XIRP2: variants seen among roughly 807,000 people sequenced by gnomAD.
The protein encoded by XIRP2 is xin actin-binding repeat-containing protein 2.
A neutral mutation model predicts 277.0 loss-of-function variants in XIRP2; 236 were observed. The observed-to-expected ratio is 0.85, with a 90% CI of 0.77 to 0.95. XIRP2 has a LOEUF of 0.95. Ranked by LOEUF, XIRP2 falls within the 40% of genes least tolerant of loss-of-function variation. The pLI is 0.00. For synonymous variants in XIRP2, 1,490 were observed against 1,416.5 expected, an observed-to-expected ratio of 1.05 and a Z score of -1.17; for missense variants, 4,640 against 4,157.5, an observed-to-expected ratio of 1.12 and a Z score of -3.19.
chr2:166,935,908 A>G (rs1685483179), intron 2 of XIRP2, among the ~76,000 whole-genome samples: 1 of 152,234 alleles, frequency 6.6e-6, no homozygotes, highest in African/African-American at 2.4e-5. Flanking sequence ...CATGATTTGT[A>G]ATCATTTGGG....
intron 2 of XIRP2, among the ~76,000 whole-genome samples, chr2:167,019,822 T>G (rs138415779): frequency 6.6e-6 from 1 of 152,212 alleles, no homozygotes; most frequent in East Asian, 1.9e-4. Context: ...TTGTTACACT[T>G]ACCCCATCTG....
At chr2:166,934,625 C>A (rs6432954) in intron 2 of XIRP2, among the ~76,000 whole-genome samples, 49,014 of 152,044 alleles carry the variant, frequency 0.32, 8,298 homozygotes, top group East Asian at 0.53. Context: ...GTACACAAGG[C>A]ACATACAAAT....
chr2:167,180,143 T>C (rs1031040540), intron 3 of XIRP2, among the ~76,000 whole-genome samples: 5 of 152,210 alleles, frequency 3.3e-5, no homozygotes, highest in Non-Finnish European at 7.3e-5. Context: ...GTTGTCTTTT[T>C]TCTTTATTCA....
At chr2:166,945,318 A>T (rs1386978956) in intron 2 of XIRP2, among the ~76,000 whole-genome samples, 2 of 152,108 alleles carry the variant, frequency 1.3e-5, no homozygotes, top group Non-Finnish European at 2.9e-5. Context: ...AAAGCATAAA[A>T]ATAGGAGTGT....
At chr2:167,128,853 G>A (rs1274849929) in intron 2 of XIRP2, among the ~76,000 whole-genome samples, 1 of 152,050 alleles carries the variant, frequency 6.6e-6, no homozygotes, top group African/African-American at 2.4e-5. Context: ...GCTTCTTGAG[G>A]ACCCAACTTG....
At chr2:167,088,712 C>G (rs996175937) in intron 2 of XIRP2, among the ~76,000 whole-genome samples, 2 of 152,184 alleles carry the variant, frequency 1.3e-5, no homozygotes, top group African/African-American at 2.4e-5. Context: ...CCCCAAATCC[C>G]TAGCACATGC....
intron 2 of XIRP2, among the ~76,000 whole-genome samples, chr2:166,938,106 C>G (rs1361314728): frequency 2.0e-5 from 3 of 152,144 alleles, no homozygotes; most frequent in Admixed American, 2.0e-4. Flanking sequence ...CAGTTCTGCT[C>G]CGATCTTAGT....
chr2:167,175,579 G>A (rs1416244140), intron 3 of XIRP2, among the ~76,000 whole-genome samples: 1 of 152,140 alleles, frequency 6.6e-6, no homozygotes. Flanking sequence ...GTTGACCCCT[G>A]CTGGGAGGTG....
chr2:166,976,878 T>C (rs1686730543), intron 2 of XIRP2, among the ~76,000 whole-genome samples: 1 of 152,188 alleles, frequency 6.6e-6, no homozygotes, highest in East Asian at 1.9e-4. Flanking sequence ...GTAACATTGT[T>C]AGCAATTCTT....
intron 2 of XIRP2, among the ~76,000 whole-genome samples, chr2:166,913,315 C>A (rs916862474): frequency 6.9e-5 from 9 of 130,434 alleles, no homozygotes; most frequent in African/African-American, 2.3e-4. Context: ...TGGGCACCCC[C>A]CCCCCCCAGC....
At chr2:167,022,600 T>G (rs1688015887) in intron 2 of XIRP2, among the ~76,000 whole-genome samples, 1 of 140,864 alleles carries the variant, frequency 7.1e-6, no homozygotes, top group South Asian at 2.5e-4. Context: ...CCCTCCCCCC[T>G]ACCCCCACCC....
At chr2:167,197,810 T>G (rs1417772670) in intron 3 of XIRP2, among the ~76,000 whole-genome samples, 4 of 152,184 alleles carry the variant, frequency 2.6e-5, no homozygotes, top group African/African-American at 9.7e-5. Flanking sequence ...TCTACTTCAC[T>G]TGAGTTTAAA....
chr2:167,103,654 T>G (rs779308857), intron 2 of XIRP2, among the ~76,000 whole-genome samples: 1 of 152,184 alleles, frequency 6.6e-6, no homozygotes, highest in Non-Finnish European at 1.5e-5. Context: ...AGATTTGTCT[T>G]TATACTTTGG....
intron 2 of XIRP2, among the ~76,000 whole-genome samples, chr2:166,939,700 A>AAAAAAAAAC (rs1685641541): frequency 6.8e-6 from 1 of 146,620 alleles, no homozygotes; most frequent in African/African-American, 2.6e-5. Context: ...AAAAAAAAAC[A>AAAAAAAAAC]AAAAACAAAA....
At chr2:167,162,490 C>T (rs1692399964) in intron 3 of XIRP2, among the ~76,000 whole-genome samples, 4 of 152,076 alleles carry the variant, frequency 2.6e-5, no homozygotes, top group Admixed American at 2.6e-4. Flanking sequence ...CAGGGAAACT[C>T]CCCTTTTTGA....
intron 5 of XIRP2, among the ~76,000 whole-genome samples, chr2:167,221,257 G>T (rs758900219): frequency 2.9e-4 from 44 of 151,962 alleles, no homozygotes; most frequent in Non-Finnish European, 5.0e-4. Context: ...CAGATCACCT[G>T]AATTCAAGAC....
intron 2 of XIRP2, among the ~76,000 whole-genome samples, chr2:167,055,683 A>G (rs1412619523): frequency 6.6e-6 from 1 of 152,192 alleles, no homozygotes; most frequent in Non-Finnish European, 1.5e-5. Context: ...GATTTGCAAT[A>G]TGAGCCTAGT....
At chr2:166,950,605 A>C (rs966077264) in intron 2 of XIRP2, among the ~76,000 whole-genome samples, 7 of 152,112 alleles carry the variant, frequency 4.6e-5, no homozygotes, top group African/African-American at 1.7e-4. Context: ...AAGATGGAAA[A>C]GGCATGTTTT....
At chr2:167,149,906 T>C (rs1691963837) in intron 3 of XIRP2, among the ~76,000 whole-genome samples, 1 of 151,976 alleles carries the variant, frequency 6.6e-6, no homozygotes, top group African/African-American at 2.4e-5. Context: ...GTAGGAGGCA[T>C]CTGCCAAGAA....
Sources: allele counts gnomAD v4.1 joint callset (sites outside exome capture counted in the v4.1 genomes callset), GRCh38; gene constraint gnomAD v4.1.1; transcripts MANE v1.5; gene names NCBI Gene and HGNC (gene_info 2026-07-23, HGNC 2026-07-21).